Variants in PKP4 observed in about 807,000 individuals in gnomAD.
The protein encoded by PKP4 is plakophilin 4.
PKP4 carries 90 observed loss-of-function variants against 145.1 expected under a neutral mutation model. That is an observed-to-expected ratio of 0.62 (90% CI 0.52 to 0.74). The LOEUF (loss-of-function observed/expected upper bound fraction) is 0.74. Ranked by LOEUF, PKP4 falls within the 30% of genes least tolerant of loss-of-function variation. The pLI, the probability that PKP4 is intolerant of heterozygous loss-of-function variation, is 0.00. For synonymous variants in PKP4, 563 were observed against 577.2 expected (o/e 0.98, Z 0.35); for missense variants, 1,340 against 1,482.7 (o/e 0.90, Z 1.58).
chr2:158,511,361 C>CG (rs981739328), intron 1 of PKP4, among the ~76,000 whole-genome samples: 6 of 151,404 alleles, frequency 4.0e-5, no homozygotes, highest in Non-Finnish European at 7.4e-5. Flanking sequence ...ACTCCAGCCT[C>CG]GGGGGGAGAG....
intron 1 of PKP4, among the ~76,000 whole-genome samples, chr2:158,508,745 C>G (rs2041234598): frequency 6.6e-6 from 1 of 152,184 alleles, no homozygotes; most frequent in Non-Finnish European, 1.5e-5. Flanking sequence ...AGCATACATT[C>G]TTCTGCGTAA....
intron 3 of PKP4, among the ~76,000 whole-genome samples, chr2:158,596,252 G>A (rs1183376796): frequency 1.3e-5 from 2 of 152,028 alleles, no homozygotes; most frequent in Non-Finnish European, 2.9e-5. Context: ...AGAATTGGTG[G>A]AAAAAGAGAG....
intron 8 of PKP4, among the ~76,000 whole-genome samples, chr2:158,633,527 A>C (rs993068140): frequency 2.6e-5 from 4 of 152,250 alleles, no homozygotes; most frequent in African/African-American, 9.6e-5. Flanking sequence ...TGTGCAATTT[A>C]AAACTTATGA....
intron 1 of PKP4, among the ~76,000 whole-genome samples, chr2:158,458,585 A>T (rs1156319112): frequency 6.6e-6 from 1 of 152,220 alleles, no homozygotes; most frequent in Non-Finnish European, 1.5e-5. Context: ...TTGTTAGAGT[A>T]ATGAGCTTGC....
intron 1 of PKP4, among the ~76,000 whole-genome samples, chr2:158,470,640 G>A (rs1261695372): frequency 6.6e-6 from 1 of 152,182 alleles, no homozygotes; most frequent in African/African-American, 2.4e-5. Context: ...GCATCTCCAA[G>A]GTTGGACTTG....
intron 3 of PKP4, among the ~76,000 whole-genome samples, chr2:158,596,627 TAAAA>T (rs3836166): frequency 1.4e-5 from 2 of 145,458 alleles, no homozygotes; most frequent in Non-Finnish European, 3.0e-5. Context: ...CTTGTCTCTT[TAAAA>T]AAAAAAAAAG....
intron 3 of PKP4, among the ~76,000 whole-genome samples, chr2:158,600,684 G>C (rs1053897644): frequency 6.6e-6 from 1 of 152,182 alleles, no homozygotes; most frequent in African/African-American, 2.4e-5. Context: ...AAAATAGGCT[G>C]TTATGAATAA....
chr2:158,538,534 C>CTTTTTTTT (rs11346852), intron 2 of PKP4, among the ~76,000 whole-genome samples: 2 of 110,060 alleles, frequency 1.8e-5, no homozygotes, highest in Non-Finnish European at 1.9e-5. Flanking sequence ...TCTCTAACCA[C>CTTTTTTTT]TTTTTTTTTT....
chr2:158,525,845 A>G (rs931550529), intron 1 of PKP4, among the ~76,000 whole-genome samples: 10 of 148,470 alleles, frequency 6.7e-5, no homozygotes, highest in African/African-American at 1.5e-4. Flanking sequence ...ATCAGAGAAT[A>G]CTACAAACAC....
intron 11 of PKP4, among the ~76,000 whole-genome samples, chr2:158,648,018 A>G (rs1422228837): frequency 1.3e-5 from 2 of 152,214 alleles, no homozygotes; most frequent in Non-Finnish European, 2.9e-5. Context: ...AACTATAGAC[A>G]TTGAAGATAT....
chr2:158,621,931 G>A (rs2105894087), intron 6 of PKP4, among the ~76,000 whole-genome samples: 1 of 152,244 alleles, frequency 6.6e-6, no homozygotes, highest in Non-Finnish European at 1.5e-5. Context: ...TCCCATTGAT[G>A]AATTCTGATG....
intron 9 of PKP4, among the ~76,000 whole-genome samples, chr2:158,635,429 AT>A (rs2053726908): frequency 6.6e-6 from 1 of 152,122 alleles, no homozygotes; most frequent in African/African-American, 2.4e-5. Context: ...ACTCTTACTG[AT>A]TTTGTTTTTT....
At chr2:158,622,008 G>A (rs1474389637) in intron 6 of PKP4, among the ~76,000 whole-genome samples, 1 of 152,140 alleles carries the variant, frequency 6.6e-6, no homozygotes, top group African/African-American at 2.4e-5. Flanking sequence ...AAGAGTCTAA[G>A]GGGAATGTAA....
At chr2:158,540,778 G>A (rs967879570) in intron 2 of PKP4, among the ~76,000 whole-genome samples, 4 of 152,114 alleles carry the variant, frequency 2.6e-5, no homozygotes, top group Non-Finnish European at 4.4e-5. Flanking sequence ...ACATTTGAAA[G>A]TAATAGAATA....
At chr2:158,615,385 T>C (rs2051506558) in intron 4 of PKP4, among the ~76,000 whole-genome samples, 1 of 152,144 alleles carries the variant, frequency 6.6e-6, no homozygotes. Context: ...TTAAACTCAG[T>C]ATTGGGCAAT....
At chr2:158,607,935 C>T (rs1419089065) in intron 4 of PKP4, among the ~76,000 whole-genome samples, 1 of 151,868 alleles carries the variant, frequency 6.6e-6, no homozygotes, top group African/African-American at 2.4e-5. Flanking sequence ...TTATCATGGC[C>T]AAGTAACAAA....
Position 158,642,546 on chromosome 2 carries a change from G to A in PKP4, c.1756G>A (p.Val586Ile), listed in dbSNP as rs769822278. The change falls in exon 11 of 22, where the codon GTT (valine) becomes ATT (isoleucine). Residue 586 changes from valine (V) to isoleucine (I), a missense_variant. Val to Ile is a conservative substitution (Grantham distance 29). Transcript: ENST00000389759. Reference protein sequence around the residue: ...VDLLDHRVLEVQKNACGALRN... With the variant: ...VDLLDHRVLEIQKNACGALRN... ...CCTTCTGGACCACAGAGTTTTGGAA[G>A]TTCAGAAGAATGCTTGTGGTGCCCT... 1 of 1,613,818 alleles carries A rather than the reference G, an allele frequency of 6.2e-7. No individual in the cohort carries two copies. The highest frequency in any genetic ancestry group is 8.5e-7 in the Non-Finnish European group (1 of 1,179,746).
At chr2:158,571,812 C>G (rs149218895) in intron 2 of PKP4, among the ~76,000 whole-genome samples, 1 of 152,046 alleles carries the variant, frequency 6.6e-6, no homozygotes, top group South Asian at 2.1e-4. Context: ...TTCAGTGTTA[C>G]GTGAAAATGG....
At chr2:158,654,438 A>C (rs1189523662) in intron 11 of PKP4, among the ~76,000 whole-genome samples, 2 of 152,248 alleles carry the variant, frequency 1.3e-5, no homozygotes. Flanking sequence ...AAAAGATAGC[A>C]TAGTCAACTT....
Sources: gnomAD v4.1 joint callset for allele counts (sites outside exome capture counted in the v4.1 genomes callset) on GRCh38, gnomAD v4.1.1 for gene constraint, MANE v1.5 for transcripts, NCBI Gene and HGNC (gene_info 2026-07-23, HGNC 2026-07-21) for gene names.